ACSS1: variants seen among roughly 807,000 people sequenced by gnomAD.
The protein encoded by ACSS1 is acetyl-coenzyme A synthetase 2-like, mitochondrial.
In ACSS1, 42 loss-of-function variants were observed where a neutral mutation model predicts 75.3. That is an observed-to-expected ratio of 0.56 (90% CI 0.44 to 0.72). The LOEUF (loss-of-function observed/expected upper bound fraction) is 0.72, where lower values mean the gene tolerates loss of function less well. ACSS1 is among the 30% of genes least tolerant of loss of function. The pLI is 0.00. For missense variants in ACSS1, 782 were observed against 935.7 expected (o/e 0.84, Z 2.14); for synonymous variants, 380 against 376.8 (o/e 1.01, Z -0.10).
intron 7 of ACSS1, among the ~76,000 whole-genome samples, chr20:25,019,590 T>C (rs1349310514): frequency 6.6e-6 from 1 of 152,192 alleles, no homozygotes; most frequent in East Asian, 1.9e-4. Context: ...GCAATCCTAG[T>C]TCACTGCAGC....
intron 2 of ACSS1, among the ~76,000 whole-genome samples, chr20:25,041,889 GA>G (rs1193098763): frequency 1.3e-5 from 2 of 152,310 alleles, no homozygotes; most frequent in East Asian, 3.9e-4. Context: ...GAGTGACTTT[GA>G]GGGTTTGGTC....
At position 25,006,802 on chromosome 20, in the gene ACSS1, C is replaced by T. The variant is rs6083718; in HGVS notation, c.*960G>A. 1,204,436 of 1,531,904 alleles carry T rather than the reference C, an allele frequency of 0.79. 475,627 individuals are homozygous for T. Among genetic ancestry groups the T allele is most frequent in the East Asian group, 1 (40,772 of 40,896 alleles). 94.9% of individuals were successfully genotyped at this position (1,531,904 alleles called of 1,614,324 possible). ...ATCATTGGACCTCAGTGGTTCTCAC[C>T]GCCCCAACCACAGAGTGAAGGTCAG... is the stretch of plus-strand genomic sequence containing the variant. On this transcript the variant is annotated 3_prime_UTR_variant, in exon 14 of 14. Coordinates refer to ENST00000323482, the MANE Select transcript of ACSS1 (RefSeq NM_032501.4).
At chr20:25,021,563 G>A in intron 5 of ACSS1, 27 bp from the exon 6 acceptor site, 1 of 1,608,992 alleles carries the variant, frequency 6.2e-7, no homozygotes, top group Non-Finnish European at 8.5e-7. Flanking sequence ...GGAGCATCAG[G>A]AGCTTGTCCC....
chr20:25,044,309 A>T (rs1484470131), intron 2 of ACSS1, among the ~76,000 whole-genome samples: 2 of 152,212 alleles, frequency 1.3e-5, no homozygotes, highest in African/African-American at 4.8e-5. Context: ...GCCCATGTGA[A>T]CTACAGTGTG....
intron 1 of ACSS1, among the ~76,000 whole-genome samples, chr20:25,050,871 A>G (rs963814526): frequency 3.9e-5 from 6 of 152,146 alleles, no homozygotes; most frequent in African/African-American, 1.4e-4. Flanking sequence ...CAGGATGGAC[A>G]GCACCCAGGT....
intron 11 of ACSS1, 61 bp from the exon 12 acceptor site, chr20:25,012,725 G>A (rs1057482254): frequency 2.2e-5 from 36 of 1,613,322 alleles, no homozygotes; most frequent in South Asian, 2.2e-4. Flanking sequence ...GAAGTGACTC[G>A]GGCCAGGGAC....
chr20:25,046,134 C>T (rs562846047), intron 2 of ACSS1: 7 of 152,340 alleles, frequency 4.6e-5, no homozygotes, highest in African/African-American at 1.7e-4. Flanking sequence ...CCATGTTGGC[C>T]AGGTTGGTCT....
intron 7 of ACSS1, among the ~76,000 whole-genome samples, chr20:25,017,220 T>C (rs969777010): frequency 5.3e-5 from 8 of 152,238 alleles, no homozygotes; most frequent in East Asian, 1.9e-4. Context: ...AGTGTATCCA[T>C]GTATTACTTA....
chr20:25,037,899 G>A (rs2088940583), intron 2 of ACSS1, among the ~76,000 whole-genome samples: 1 of 152,230 alleles, frequency 6.6e-6, no homozygotes, highest in Non-Finnish European at 1.5e-5. Flanking sequence ...GGTAAGATTT[G>A]CTCACTCTGC....
chr20:25,040,306 C>T (rs527888980), intron 2 of ACSS1, among the ~76,000 whole-genome samples: 135 of 152,340 alleles, frequency 8.9e-4, no homozygotes, highest in Non-Finnish European at 1.5e-3. Flanking sequence ...CAGAACGCTC[C>T]AGAGCCTGGA....
intron 7 of ACSS1, 100 bp downstream of exon 7, chr20:25,019,910 A>G: frequency 6.5e-7 from 1 of 1,541,638 alleles, no homozygotes. Flanking sequence ...CACACATACA[A>G]AGCCGGGCAG....
intron 1 of ACSS1, 36 bp downstream of exon 1, chr20:25,057,733 G>A: frequency 1.3e-6 from 2 of 1,525,904 alleles, no homozygotes; most frequent in South Asian, 1.2e-5. Flanking sequence ...GGACCCAAGA[G>A]TTGGGGGCGT....
chr20:25,007,552 A>G lies in ACSS1; in HGVS notation c.*210T>C. The G allele has an allele frequency of 7.1e-7, 1 of 1,408,654 alleles. No homozygotes were observed. The highest frequency in any genetic ancestry group is 9.2e-7 in the Non-Finnish European group (1 of 1,084,244). 87.3% of individuals were successfully genotyped at this position (1,408,654 alleles called of 1,614,324 possible). On this transcript the variant is annotated 3_prime_UTR_variant, in exon 14 of 14. Transcript: ENST00000323482. ...GCAGAACCAGCCCTAGCCATGTCGC[A>G]TAGCCTCTCCATGGGTGACACTCCT... is the stretch of plus-strand genomic sequence containing the variant.
At chr20:25,054,638 G>A (rs1342228612) in intron 1 of ACSS1, among the ~76,000 whole-genome samples, 7 of 152,370 alleles carry the variant, frequency 4.6e-5, no homozygotes, top group Admixed American at 1.3e-4. Flanking sequence ...TTGGGCCACA[G>A]TTCTGGCTGA....
chr20:25,007,223 T>C lies in ACSS1; in HGVS notation c.*539A>G. ...TGTGGCCTCTGATCCTCATGTTTCC[T>C]CACCAGTAGAGGCAAAAAAGGAGAT... On this transcript the variant is annotated 3_prime_UTR_variant, in exon 14 of 14. Coordinates refer to ENST00000323482, the MANE Select transcript of ACSS1 (RefSeq NM_032501.4). The C allele has an allele frequency of 3.4e-6, 4 of 1,192,438 alleles. No individual in the cohort carries two copies. Among genetic ancestry groups the C allele is most frequent in the Non-Finnish European group, 4.2e-6 (4 of 959,410 alleles). The allele number at this position is 1,192,438 out of a possible 1,614,324, so 73.9% of individuals were successfully genotyped here.
At chr20:25,016,886 G>A (rs2088525978) in intron 7 of ACSS1, among the ~76,000 whole-genome samples, 2 of 152,230 alleles carry the variant, frequency 1.3e-5, no homozygotes, top group South Asian at 2.1e-4. Flanking sequence ...TCATTTAACA[G>A]AGCTGCATCC....
chr20:25,022,988 G>A lies in ACSS1; in HGVS notation c.912C>T (p.Ile304=), dbSNP rs778726503. Residue 304 remains isoleucine, a synonymous_variant, in exon 5 of 14, where the codon ATC becomes ATT. Coordinates refer to ENST00000323482, the MANE Select transcript of ACSS1 (RefSeq NM_032501.4). ...GCAGGTAGCCTGCCTGGGTATGGAC[G>A]ATGCCCTTGGGCATTCCGGTGCTCC... ...TSGSTGMPKG[I]VHTQAGYLLY... is the part of the protein sequence containing the mutation. The A allele has an allele frequency of 9.9e-6, 16 of 1,613,958 alleles. No homozygotes were observed. The highest frequency in any genetic ancestry group is 2.2e-5 in the East Asian group (1 of 44,892).
intron 2 of ACSS1, among the ~76,000 whole-genome samples, chr20:25,033,978 G>A (rs903323882): frequency 1.3e-5 from 2 of 152,240 alleles, no homozygotes; most frequent in East Asian, 3.8e-4. Context: ...CCCAAGAGCT[G>A]AAGCAGGGTC....
intron 3 of ACSS1, among the ~76,000 whole-genome samples, chr20:25,028,338 C>T (rs6115008): frequency 0.015 from 2,223 of 152,300 alleles, 56 homozygotes; most frequent in African/African-American, 0.048. Context: ...GGGAGACTCA[C>T]GCTTCCTGGT....
Sources: gnomAD v4.1 joint callset for allele counts (sites outside exome capture counted in the v4.1 genomes callset) on GRCh38, gnomAD v4.1.1 for gene constraint, MANE v1.5 for transcripts, NCBI Gene and HGNC (gene_info 2026-07-23, HGNC 2026-07-21) for gene names.